The following NUP133 variants were observed in gnomAD, a reference collection of about 807,000 sequenced individuals.
NUP133 encodes the protein nucleoporin 133.
NUP133 carries 66 observed loss-of-function variants against 146.2 expected under a neutral mutation model. The ratio of observed to expected loss-of-function variants is 0.45; its 90% CI spans 0.37 to 0.55. The LOEUF is 0.55. Ranked by LOEUF, NUP133 falls within the 20% of genes least tolerant of loss-of-function variation. The pLI is 0.00. For synonymous variants in NUP133, 521 were observed against 498.8 expected (o/e 1.04, Z -0.59); for missense variants, 1,277 against 1,374.8 (o/e 0.93, Z 1.12).
intron 12 of NUP133, among the ~76,000 whole-genome samples, chr1:229,481,204 G>A (rs1485635692): frequency 6.6e-6 from 1 of 152,082 alleles, no homozygotes; most frequent in East Asian, 1.9e-4. Flanking sequence ...GGTACTGCTT[G>A]CTCAGGACTT....
chr1:229,448,583 C>G (rs552265419), intron 24 of NUP133, among the ~76,000 whole-genome samples: 2 of 152,308 alleles, frequency 1.3e-5, no homozygotes, highest in East Asian at 3.9e-4. Context: ...AAGCAGCCCA[C>G]GCCGCTGCTC....
intron 1 of NUP133, among the ~76,000 whole-genome samples, chr1:229,507,535 T>C (rs1661976002): frequency 6.6e-6 from 1 of 152,198 alleles, no homozygotes; most frequent in Non-Finnish European, 1.5e-5. Flanking sequence ...TGTAAAGCCT[T>C]TTCCTTATAA....
intron 12 of NUP133, among the ~76,000 whole-genome samples, chr1:229,478,071 T>A (rs920412197): frequency 6.6e-6 from 1 of 152,136 alleles, no homozygotes; most frequent in Non-Finnish European, 1.5e-5. Flanking sequence ...CTGATGTGAT[T>A]ATTACGCATT....
intron 16 of NUP133, among the ~76,000 whole-genome samples, chr1:229,466,187 G>T (rs1382801449): frequency 1.3e-5 from 2 of 152,108 alleles, no homozygotes; most frequent in Non-Finnish European, 1.5e-5. Context: ...CAATACGTTT[G>T]CAATCAGGCA....
At chr1:229,490,327 A>T (rs1222946963) in intron 8 of NUP133, among the ~76,000 whole-genome samples, 1 of 152,128 alleles carries the variant, frequency 6.6e-6, no homozygotes, top group Non-Finnish European at 1.5e-5. Flanking sequence ...AACTGAAAAC[A>T]ACCCAATGTC....
intron 2 of NUP133, among the ~76,000 whole-genome samples, chr1:229,504,762 A>C (rs1396996481): frequency 1.3e-5 from 2 of 152,228 alleles, no homozygotes; most frequent in Non-Finnish European, 2.9e-5. Flanking sequence ...TGCAGTTTCA[A>C]ATACCTGTGG....
chr1:229,497,478 G>A (rs548041939), intron 6 of NUP133, among the ~76,000 whole-genome samples: 92 of 152,170 alleles, frequency 6.0e-4, no homozygotes, highest in Non-Finnish European at 1.1e-3. Context: ...ATAATTATCT[G>A]AAACAAGAGG....
At chr1:229,468,990 G>A (rs546758728) in intron 15 of NUP133, among the ~76,000 whole-genome samples, 3 of 152,274 alleles carry the variant, frequency 2.0e-5, no homozygotes, top group Admixed American at 2.0e-4. Context: ...ACTGAATTTA[G>A]GTTATAGTAC....
rs3818447 is a variant in NUP133, at chr1:229,452,389, C to T, written c.3099+136G>A. 198 of 559,906 alleles carry T rather than the reference C, an allele frequency of 3.5e-4. 1 individual carries two copies. The East Asian group carries it at 6.0e-3, about 17-fold the overall frequency. The allele number at this position is 559,906 out of a possible 1,614,324, so 34.7% of individuals were successfully genotyped here. A position where few individuals can be genotyped will look rare whatever the true frequency, so the allele number is the denominator to read the frequency against. On this transcript the variant is annotated intron_variant, in intron 22 of 25. Coordinates refer to ENST00000261396, the MANE Select transcript of NUP133 (RefSeq NM_018230.3). ...TCTGTTCCCAAACAGCTTCAAACAA[C>T]GTTTTTCTAGGGGAGTTTTCTGGAA...
chr1:229,466,334 G>GA (rs34261379), intron 16 of NUP133, among the ~76,000 whole-genome samples: 40 of 151,560 alleles, frequency 2.6e-4, no homozygotes, highest in African/African-American at 8.7e-4. Context: ...CCTTCTCTCA[G>GA]AAAAAAAACC....
chr1:229,459,482 CTTATATGTAT>C (rs1660645399), intron 20 of NUP133, among the ~76,000 whole-genome samples: 1 of 152,148 alleles, frequency 6.6e-6, no homozygotes, highest in South Asian at 2.1e-4. Flanking sequence ...AGCTGAGTTC[CTTATATGTAT>C]GTATATATGT....
chr1:229,465,462 C>T lies in NUP133; in HGVS notation c.2257G>A (p.Glu753Lys), dbSNP rs370408890. ...RQNRNSLYRR[E>K]ESLEKEPEYV... ...TCAGGTTCTTTTTCTAGTGATTCTT[C>T]TCTTCTATACAAAGAGTTTCTATTT... The change falls in exon 17 of 26, where the codon GAA becomes AAA. Residue 753 changes from glutamate to lysine, a missense_variant. By Grantham distance (56) the Glu-to-Lys change is moderately conservative. Coordinates refer to ENST00000261396, the MANE Select transcript of NUP133 (RefSeq NM_018230.3). 6.2e-7 allele frequency: 1 copy of T among 1,613,786 alleles called. No individual in the cohort carries two copies. The highest frequency in any genetic ancestry group is 1.3e-5 in the African/African-American group (1 of 74,922).
chr1:229,488,756 TGAGACCAG>T (rs1420112771), intron 9 of NUP133, among the ~76,000 whole-genome samples: 1 of 151,934 alleles, frequency 6.6e-6, no homozygotes, highest in Non-Finnish European at 1.5e-5. Context: ...GAGGACTGCT[TGAGACCAG>T]GAGTTGGAGG....
chr1:229,475,767 T>C, intron 13 of NUP133, 35 bp from the exon 14 acceptor site: 7 of 1,508,798 alleles, frequency 4.6e-6, no homozygotes, highest in African/African-American at 1.4e-5. Context: ...TAGAACATAG[T>C]GGTTTTACAA....
Position 229,500,856 on chromosome 1 carries a change from A to G in NUP133, c.413T>C (p.Val138Ala), listed in dbSNP as rs774820985. Reference sequence around the variant, plus strand: ...AGGTGGCAGCTGAAGTTCTTTGCAAACGGATAACTGTAGAACAAACCCAAA... The same window carrying G: ...AGGTGGCAGCTGAAGTTCTTTGCAAGCGGATAACTGTAGAACAAACCCAAA... ...IALSPITKLSVCKELQLPPSD... is the reference protein window; with the variant it reads ...IALSPITKLSACKELQLPPSD... Residue 138 changes from valine to alanine, a missense_variant, in exon 4 of 26, where the codon GTT becomes GCT. By Grantham distance (64) the Val-to-Ala change is moderately conservative. Around this residue, in one of 3 missense-constraint regions of NUP133, gnomAD observed 319 missense variants for 306.9 expected, o/e 1.04. Coordinates refer to ENST00000261396, the MANE Select transcript of NUP133 (RefSeq NM_018230.3). 1.9e-6 allele frequency: 3 copies of G among 1,610,062 alleles called. No individual in the cohort carries two copies. Among genetic ancestry groups the G allele is most frequent in the East Asian group, 4.5e-5 (2 of 44,800 alleles).
intron 5 of NUP133, among the ~76,000 whole-genome samples, chr1:229,498,935 G>C (rs1177845594): frequency 1.3e-5 from 2 of 152,006 alleles, no homozygotes; most frequent in Non-Finnish European, 2.9e-5. Flanking sequence ...GTCTCGCTCT[G>C]TCACCCAGGC....
In NUP133 at chr1:229,486,433, A is replaced by T. The variant is rs1219296827; in HGVS notation, c.1438T>A (p.Ser480Thr). ...CCTTCCAAGTCTTCTGCCAATATAG[A>T]CACATTTTCCCTTGAAGTAATAGAC... is the stretch of plus-strand genomic sequence containing the variant. ...LVSITSRENV[S>T]ILAEDLEGSL... The change falls in exon 11 of 26, where the codon TCT (serine) becomes ACT (threonine). Residue 480 changes from serine to threonine, a missense_variant. Ser to Thr is a moderately conservative substitution (Grantham distance 58). Around this residue, in one of 3 missense-constraint regions of NUP133, gnomAD observed 952 missense variants for 1,047.0 expected, o/e 0.91. Transcript: ENST00000261396. 2 of 1,610,846 alleles carry T rather than the reference A, an allele frequency of 1.2e-6. No homozygotes were observed. Among genetic ancestry groups the T allele is most frequent in the African/African-American group, 2.7e-5 (2 of 74,406 alleles).
At chr1:229,476,801 G>A (rs1295897815) in intron 13 of NUP133, among the ~76,000 whole-genome samples, 1 of 152,012 alleles carries the variant, frequency 6.6e-6, no homozygotes, top group East Asian at 1.9e-4. Context: ...GTGCACACCT[G>A]TAATCTCAGC....
chr1:229,446,215 T>C (rs375961168), intron 24 of NUP133, among the ~76,000 whole-genome samples: 3 of 152,118 alleles, frequency 2.0e-5, no homozygotes, highest in African/African-American at 7.2e-5. Flanking sequence ...GAGACCAGCC[T>C]GACCAACATG....
Sources: gnomAD v4.1 joint callset for allele counts (sites outside exome capture counted in the v4.1 genomes callset) on GRCh38, gnomAD v4.1.1 for gene constraint, gnomAD v4.1.1 regional missense constraint, MANE v1.5 for transcripts, NCBI Gene and HGNC (gene_info 2026-07-23, HGNC 2026-07-21) for gene names.